Variants in SLC24A3 observed in about 807,000 individuals in gnomAD.
SLC24A3 encodes the protein solute carrier family 24 member 3.
Under a neutral mutation model 75.8 loss-of-function variants are expected in SLC24A3, and 28 were observed. That is an observed-to-expected ratio of 0.37 (90% confidence interval 0.27 to 0.51). The LOEUF (loss-of-function observed/expected upper bound fraction) is 0.51, where lower values mean the gene tolerates loss of function less well. SLC24A3 is among the 20% of genes least tolerant of loss of function. The probability of loss-of-function intolerance (pLI) is 0.94; values close to 1 mark genes in which losing one functional copy is unlikely to be tolerated. For synonymous variants in SLC24A3, 372 were observed against 334.1 expected, an observed-to-expected ratio of 1.11 and a Z score of -1.24; for missense variants, 663 against 847.8, an observed-to-expected ratio of 0.78 and a Z score of 2.71.
chr20:19,310,040 G>A (rs1050805743), intron 2 of SLC24A3, among the ~76,000 whole-genome samples: 3 of 152,300 alleles, frequency 2.0e-5, no homozygotes, highest in Non-Finnish European at 2.9e-5. Context: ...GAGCAGAGCC[G>A]GACTTGACAT....
At chr20:19,715,744 A>G (rs1297095964) in intron 15 of SLC24A3, among the ~76,000 whole-genome samples, 2 of 152,042 alleles carry the variant, frequency 1.3e-5, no homozygotes, top group African/African-American at 2.4e-5. Flanking sequence ...GGTACCTTAA[A>G]CCCTGTCAGA....
chr20:19,686,882 G>A (rs2032682317), intron 12 of SLC24A3, among the ~76,000 whole-genome samples: 1 of 152,158 alleles, frequency 6.6e-6, no homozygotes, highest in African/African-American at 2.4e-5. Flanking sequence ...TAGAAAAAAT[G>A]TACACTCGTT....
intron 2 of SLC24A3, among the ~76,000 whole-genome samples, chr20:19,325,503 A>G (rs972377680): frequency 1.3e-5 from 2 of 151,174 alleles, no homozygotes; most frequent in Non-Finnish European, 2.9e-5. Context: ...TGGGTGCTGC[A>G]TTGGATGAAT....
intron 2 of SLC24A3, among the ~76,000 whole-genome samples, chr20:19,402,240 A>G (rs1199779939): frequency 1.3e-5 from 2 of 152,198 alleles, no homozygotes; most frequent in Admixed American, 6.5e-5. Flanking sequence ...TGATGATCTC[A>G]ATAGGAATAA....
intron 3 of SLC24A3, among the ~76,000 whole-genome samples, chr20:19,527,322 C>T (rs929593733): frequency 9.2e-5 from 14 of 152,168 alleles, no homozygotes; most frequent in African/African-American, 1.4e-4. Flanking sequence ...ATGCCCAGCA[C>T]GGCACCTTGC....
intron 2 of SLC24A3, among the ~76,000 whole-genome samples, chr20:19,505,785 G>T (rs145444489): frequency 0.018 from 2,767 of 152,308 alleles, 73 homozygotes; most frequent in African/African-American, 0.063. Flanking sequence ...TATCCAGCCT[G>T]CAGTGCCTGG....
At chr20:19,334,098 T>A (rs1279483797) in intron 2 of SLC24A3, among the ~76,000 whole-genome samples, 2 of 150,730 alleles carry the variant, frequency 1.3e-5, no homozygotes, top group African/African-American at 4.9e-5. Flanking sequence ...AGAAATCAAA[T>A]TGTAAAAGTC....
At chr20:19,344,940 T>G (rs996863275) in intron 2 of SLC24A3, among the ~76,000 whole-genome samples, 11 of 152,206 alleles carry the variant, frequency 7.2e-5, no homozygotes, top group African/African-American at 2.7e-4. Context: ...AAAATGTCCG[T>G]TCTCATCATT....
intron 7 of SLC24A3, among the ~76,000 whole-genome samples, chr20:19,664,748 G>A (rs578203791): frequency 3.3e-4 from 50 of 152,200 alleles, no homozygotes; most frequent in Non-Finnish European, 5.0e-4. Context: ...GCTCTGAGAC[G>A]ACCATACTCA....
chr20:19,566,389 A>G (rs1229116824), intron 3 of SLC24A3, among the ~76,000 whole-genome samples: 1 of 152,160 alleles, frequency 6.6e-6, no homozygotes, highest in Non-Finnish European at 1.5e-5. Flanking sequence ...TCATTTCTAC[A>G]TTCCCACACC....
chr20:19,596,559 GA>G (rs915710785), intron 6 of SLC24A3, among the ~76,000 whole-genome samples: 3 of 152,160 alleles, frequency 2.0e-5, no homozygotes, highest in Non-Finnish European at 4.4e-5. Flanking sequence ...AGTAAATGGT[GA>G]GATTTTAATT....
chr20:19,565,604 C>G (rs913397494), intron 3 of SLC24A3, among the ~76,000 whole-genome samples: 2 of 152,158 alleles, frequency 1.3e-5, no homozygotes, highest in Non-Finnish European at 2.9e-5. Flanking sequence ...TCCCCCATTG[C>G]ATATGGACTC....
intron 6 of SLC24A3, among the ~76,000 whole-genome samples, chr20:19,586,512 C>T (rs991008181): frequency 6.6e-6 from 1 of 152,122 alleles, no homozygotes; most frequent in Non-Finnish European, 1.5e-5. Context: ...CTAAGGAAAG[C>T]CCCGGGGCAG....
intron 3 of SLC24A3, among the ~76,000 whole-genome samples, chr20:19,573,766 T>C (rs1038150447): frequency 6.6e-6 from 1 of 152,192 alleles, no homozygotes; most frequent in Non-Finnish European, 1.5e-5. Context: ...TGTGCTTTCT[T>C]CTCATTGGCC....
chr20:19,681,169 C>T (rs2032611361), intron 9 of SLC24A3, among the ~76,000 whole-genome samples: 1 of 152,216 alleles, frequency 6.6e-6, no homozygotes, highest in Admixed American at 6.5e-5. Flanking sequence ...CCCACCTCAG[C>T]CTGCTGGGGC....
intron 2 of SLC24A3, among the ~76,000 whole-genome samples, chr20:19,346,550 G>A (rs1985433968): frequency 6.6e-6 from 1 of 151,836 alleles, no homozygotes; most frequent in South Asian, 2.1e-4. Flanking sequence ...TGCAACCTGT[G>A]TGGAATTAGA....
intron 2 of SLC24A3, among the ~76,000 whole-genome samples, chr20:19,367,783 A>G (rs1038768021): frequency 7.9e-5 from 12 of 152,178 alleles, no homozygotes; most frequent in Non-Finnish European, 1.3e-4. Context: ...GGAGGATCTC[A>G]GATAGCCCTG....
chr20:19,553,811 A>G (rs2030741038), intron 3 of SLC24A3, among the ~76,000 whole-genome samples: 1 of 152,186 alleles, frequency 6.6e-6, no homozygotes, highest in Non-Finnish European at 1.5e-5. Context: ...GGGGAAACAT[A>G]AAATATTTGA....
At chr20:19,289,939 C>T (rs1600413591) in intron 2 of SLC24A3, among the ~76,000 whole-genome samples, 1 of 152,218 alleles carries the variant, frequency 6.6e-6, no homozygotes, top group East Asian at 1.9e-4. Context: ...GGTTGCCTGT[C>T]TCCCAAAGCC....
Sources: allele counts gnomAD v4.1 joint callset (sites outside exome capture counted in the v4.1 genomes callset), GRCh38; gene constraint gnomAD v4.1.1; transcripts MANE v1.5; gene names NCBI Gene and HGNC (gene_info 2026-07-23, HGNC 2026-07-21).